The following ARHGAP24 variants were observed in gnomAD, a reference collection of about 807,000 sequenced individuals.
ARHGAP24 encodes Rho GTPase activating protein 24.
In ARHGAP24, 50 loss-of-function variants were observed where a neutral mutation model predicts 76.4. That is an observed-to-expected ratio of 0.65 (90% CI 0.52 to 0.83). The LOEUF is 0.83. ARHGAP24 is among the 40% of genes least tolerant of loss of function. The pLI, the probability that ARHGAP24 is intolerant of heterozygous loss-of-function variation, is 0.00. For synonymous variants in ARHGAP24, 345 were observed against 323.3 expected, an observed-to-expected ratio of 1.07 and a Z score of -0.72; for missense variants, 930 against 914.2, an observed-to-expected ratio of 1.02 and a Z score of -0.22.
chr4:85,741,702 G>A (rs1379813683), intron 3 of ARHGAP24, among the ~76,000 whole-genome samples: 1 of 152,184 alleles, frequency 6.6e-6, no homozygotes, highest in African/African-American at 2.4e-5. Flanking sequence ...GAAGTTGAGA[G>A]AGAAACTGAA....
In ARHGAP24 at chr4:85,566,657, G is replaced by A. The variant is rs571622361; in HGVS notation, c.-20-3865G>A. On this transcript the variant is annotated intron_variant, in intron 1 of 9. Transcript: ENST00000395184. ...TGAGTACCAGGTAAGCACTATTAAA[G>A]GCACTGGGTATCACTGGGTATGCAC... Among the ~76,000 whole-genome samples, 81 of 152,248 alleles carry A rather than the reference G, an allele frequency of 5.3e-4. 2 individuals are homozygous for A. The South Asian group carries it at 0.017, about 32-fold the overall frequency.
intron 3 of ARHGAP24, among the ~76,000 whole-genome samples, chr4:85,778,545 G>A (rs1394409175): frequency 6.6e-6 from 1 of 152,148 alleles, no homozygotes; most frequent in Non-Finnish European, 1.5e-5. Context: ...TACAAAATGG[G>A]TTCACCCGGC....
intron 3 of ARHGAP24, among the ~76,000 whole-genome samples, chr4:85,894,123 A>G (rs1734004194): frequency 7.1e-6 from 1 of 141,458 alleles, no homozygotes; most frequent in Non-Finnish European, 1.6e-5. Context: ...AAAAGATTTC[A>G]GGAAGGCAAG....
intron 3 of ARHGAP24, among the ~76,000 whole-genome samples, chr4:85,748,360 A>T (rs1336097096): frequency 6.6e-6 from 1 of 152,354 alleles, no homozygotes; most frequent in East Asian, 1.9e-4. Flanking sequence ...GGGTTAAGAA[A>T]ATATTCTGAT....
At chr4:85,811,650 A>G (rs1207498335) in intron 3 of ARHGAP24, among the ~76,000 whole-genome samples, 1 of 152,240 alleles carries the variant, frequency 6.6e-6, no homozygotes, top group Non-Finnish European at 1.5e-5. Context: ...TGAAGATACA[A>G]TCCCAACTCA....
intron 1 of ARHGAP24, among the ~76,000 whole-genome samples, chr4:85,565,427 G>A (rs1726801516): frequency 6.6e-6 from 1 of 152,158 alleles, no homozygotes; most frequent in Non-Finnish European, 1.5e-5. Flanking sequence ...CAATAGGACA[G>A]ATCACTGTTT....
chr4:85,717,417 T>C (rs568887987), intron 2 of ARHGAP24, among the ~76,000 whole-genome samples: 1 of 152,258 alleles, frequency 6.6e-6, no homozygotes, highest in African/African-American at 2.4e-5. Flanking sequence ...GAGTGTGGTA[T>C]CATTAAATCT....
chr4:85,597,694 A>T (rs1390228807), intron 2 of ARHGAP24, among the ~76,000 whole-genome samples: 1 of 152,056 alleles, frequency 6.6e-6, no homozygotes, highest in Non-Finnish European at 1.5e-5. Flanking sequence ...GCTTAATGAG[A>T]ATGTTACATA....
chr4:85,550,883 GC>G (rs34034594), intron 1 of ARHGAP24, among the ~76,000 whole-genome samples: 1 of 151,798 alleles, frequency 6.6e-6, no homozygotes, highest in Non-Finnish European at 1.5e-5. Context: ...TGAATTTTGT[GC>G]CCTGAAACTT....
intron 3 of ARHGAP24, among the ~76,000 whole-genome samples, chr4:85,856,737 T>G (rs1254686533): frequency 6.6e-6 from 1 of 152,202 alleles, no homozygotes; most frequent in Non-Finnish European, 1.5e-5. Flanking sequence ...CCTAAAGTTC[T>G]AGGACTACAG....
At chr4:85,797,794 G>T (rs1422899710) in intron 3 of ARHGAP24, among the ~76,000 whole-genome samples, 1 of 152,062 alleles carries the variant, frequency 6.6e-6, no homozygotes, top group South Asian at 2.1e-4. Flanking sequence ...TATTATTTTT[G>T]ACCTCATTAG....
At chr4:85,825,885 A>C (rs921598939) in intron 3 of ARHGAP24, among the ~76,000 whole-genome samples, 4 of 152,226 alleles carry the variant, frequency 2.6e-5, no homozygotes, top group Non-Finnish European at 5.9e-5. Flanking sequence ...GCTGTAAGGT[A>C]ACTAATTTAC....
intron 2 of ARHGAP24, among the ~76,000 whole-genome samples, chr4:85,653,373 C>T (rs12644694): frequency 0.36 from 55,291 of 151,990 alleles, 11,151 homozygotes; most frequent in East Asian, 0.84. Context: ...AGAGAAAAAG[C>T]GAACCATGAT....
At chr4:85,988,618 TA>T (rs974317238) in intron 8 of ARHGAP24, among the ~76,000 whole-genome samples, 103 of 150,684 alleles carry the variant, frequency 6.8e-4, no homozygotes, top group African/African-American at 1.9e-3. Context: ...AAACTTTTTT[TA>T]AAAAAAAGGA....
At chr4:85,841,546 C>G (rs1157674724) in intron 3 of ARHGAP24, among the ~76,000 whole-genome samples, 1 of 152,148 alleles carries the variant, frequency 6.6e-6, no homozygotes, top group Non-Finnish European at 1.5e-5. Context: ...TTATTGTTAT[C>G]ATTATATTTT....
At chr4:85,727,463 C>T (rs1725211104) in intron 3 of ARHGAP24, among the ~76,000 whole-genome samples, 1 of 151,984 alleles carries the variant, frequency 6.6e-6, no homozygotes, top group East Asian at 1.9e-4. Flanking sequence ...TGTTCTAAGG[C>T]TACAACAATC....
chr4:85,594,989 T>C (rs952374165), intron 2 of ARHGAP24, among the ~76,000 whole-genome samples: 1 of 152,010 alleles, frequency 6.6e-6, no homozygotes, highest in Non-Finnish European at 1.5e-5. Flanking sequence ...CTCCTCTTTT[T>C]TTTTTTGTAA....
chr4:85,840,895 C>T lies in ARHGAP24; in HGVS notation c.269-82753C>T, dbSNP rs561415437. 7.2e-5 allele frequency among the ~76,000 whole-genome samples: 11 copies of T among 152,288 alleles called. No individual in the cohort carries two copies. The South Asian group carries it at 2.3e-3, about 32-fold the overall frequency. ...TCTTACTAATTTATCAGACGTGAAA[C>T]TGCTGATCATTTTAGGTATCTTACT... On this transcript the variant is annotated intron_variant, in intron 3 of 9. Coordinates refer to ENST00000395184, the MANE Select transcript of ARHGAP24 (RefSeq NM_001025616.3).
chr4:85,540,923 A>C (rs2110122685), intron 1 of ARHGAP24, among the ~76,000 whole-genome samples: 1 of 129,984 alleles, frequency 7.7e-6, no homozygotes, highest in South Asian at 2.1e-4. Context: ...CTCCTTACAA[A>C]AGGGAAGGTT....
Sources: gnomAD v4.1 joint callset for allele counts (sites outside exome capture counted in the v4.1 genomes callset) on GRCh38, gnomAD v4.1.1 for gene constraint, MANE v1.5 for transcripts, NCBI Gene and HGNC (gene_info 2026-07-23, HGNC 2026-07-21) for gene names.